Variants in ZNF236 observed in about 807,000 individuals in gnomAD.
ZNF236 encodes the protein regulated by glucose.
A neutral mutation model predicts 191.2 loss-of-function variants in ZNF236; 50 were observed. That is an observed-to-expected ratio of 0.26 (90% confidence interval 0.21 to 0.33). The LOEUF (loss-of-function observed/expected upper bound fraction) is 0.33. Ranked by LOEUF, ZNF236 falls within the 10% of genes least tolerant of loss-of-function variation. The pLI, the probability that ZNF236 is intolerant of heterozygous loss-of-function variation, is 1.00. For synonymous variants in ZNF236, 907 were observed against 928.8 expected, an observed-to-expected ratio of 0.98 and a Z score of 0.43; for missense variants, 1,754 against 2,374.5, an observed-to-expected ratio of 0.74 and a Z score of 5.43.
intron 6 of ZNF236, among the ~76,000 whole-genome samples, chr18:76,876,481 A>G (rs1976719011): frequency 6.6e-6 from 1 of 152,218 alleles, no homozygotes. Flanking sequence ...CAAATTTAAT[A>G]AAAACAAGTA....
intron 1 of ZNF236, among the ~76,000 whole-genome samples, chr18:76,848,636 C>T (rs1272702027): frequency 6.6e-6 from 1 of 152,134 alleles, no homozygotes; most frequent in African/African-American, 2.4e-5. Flanking sequence ...TCTTCCTGAA[C>T]CTCCTAAGCC....
At chr18:76,876,023 A>C (rs1976701347) in intron 6 of ZNF236, among the ~76,000 whole-genome samples, 1 of 152,236 alleles carries the variant, frequency 6.6e-6, no homozygotes, top group African/African-American at 2.4e-5. Flanking sequence ...ATAAGAAATA[A>C]AATTGGGAAA....
chr18:76,965,778 G>A (rs1568251347), intron 30 of ZNF236, among the ~76,000 whole-genome samples: 1 of 152,210 alleles, frequency 6.6e-6, no homozygotes, highest in Non-Finnish European at 1.5e-5. Context: ...TGCCTGTTCC[G>A]GTGGAGATGG....
intron 4 of ZNF236, among the ~76,000 whole-genome samples, chr18:76,869,580 C>G (rs1976523063): frequency 6.6e-6 from 1 of 152,186 alleles, no homozygotes; most frequent in African/African-American, 2.4e-5. Context: ...ATAAAATATT[C>G]TTCCTGGCCC....
chr18:76,913,299 T>C (rs1967266698), intron 17 of ZNF236, among the ~76,000 whole-genome samples: 1 of 152,216 alleles, frequency 6.6e-6, no homozygotes, highest in South Asian at 2.1e-4. Flanking sequence ...TTGTATTTTG[T>C]AAACCAAAGG....
intron 1 of ZNF236, among the ~76,000 whole-genome samples, chr18:76,835,752 T>G (rs1975305784): frequency 6.6e-6 from 1 of 152,226 alleles, no homozygotes; most frequent in Non-Finnish European, 1.5e-5. Context: ...TGTCTTTAAT[T>G]GATATGCTGA....
At chr18:76,889,868 T>G (rs1477518044) in intron 9 of ZNF236, among the ~76,000 whole-genome samples, 1 of 152,206 alleles carries the variant, frequency 6.6e-6, no homozygotes, top group Non-Finnish European at 1.5e-5. Context: ...GTGTGATTGT[T>G]TTCTAGGAGG....
In ZNF236 at chr18:76,959,805, G is replaced by T. The variant is rs777005598; in HGVS notation, c.5231G>T (p.Arg1744Leu). 7 of 1,613,744 alleles carry T rather than the reference G, an allele frequency of 4.3e-6. No individual in the cohort carries two copies. Among genetic ancestry groups the T allele is most frequent in the East Asian group, 2.2e-5 (1 of 44,892 alleles). ...CCAAGCCAGCTGGAGCGCCACAGCCGCATACATACAGGTAACGGGGAAGGA... is the reference window on the plus strand; with the variant it reads ...CCAAGCCAGCTGGAGCGCCACAGCCTCATACATACAGGTAACGGGGAAGGA... ...AKPSQLERHS[R>L]IHTGERPFHC... The change falls in exon 29 of 31, where the codon CGC becomes CTC. Residue 1744 changes from arginine (R) to leucine (L), a missense_variant. Physicochemically the swap from Arg to Leu is moderately radical, Grantham distance 102. Transcript: ENST00000320610.
At chr18:76,948,995 C>G (rs1016374290) in intron 27 of ZNF236, among the ~76,000 whole-genome samples, 2 of 152,200 alleles carry the variant, frequency 1.3e-5, no homozygotes, top group East Asian at 3.8e-4. Flanking sequence ...TGCTCGGGAG[C>G]TGATCAGGGG....
chr18:76,856,343 T>C (rs1222318598), intron 3 of ZNF236, among the ~76,000 whole-genome samples: 1 of 152,160 alleles, frequency 6.6e-6, no homozygotes, highest in African/African-American at 2.4e-5. Context: ...CCACCACGCC[T>C]GGCTCATTTT....
At chr18:76,852,707 A>T (rs1051503650) in intron 3 of ZNF236, among the ~76,000 whole-genome samples, 18 of 152,150 alleles carry the variant, frequency 1.2e-4, no homozygotes, top group Admixed American at 3.3e-4. Context: ...AAAATTAGGA[A>T]GATACAAAAA....
chr18:76,851,364 C>G (rs1220048189), intron 2 of ZNF236, among the ~76,000 whole-genome samples: 1 of 148,586 alleles, frequency 6.7e-6, no homozygotes, highest in African/African-American at 2.5e-5. Flanking sequence ...CTCCCAGGTT[C>G]AAGTGATTCT....
intron 3 of ZNF236, among the ~76,000 whole-genome samples, chr18:76,853,002 C>T (rs1037458650): frequency 6.6e-6 from 1 of 152,114 alleles, no homozygotes; most frequent in Non-Finnish European, 1.5e-5. Flanking sequence ...ATGGGTTTAT[C>T]AGGATGTAAT....
intron 25 of ZNF236, among the ~76,000 whole-genome samples, chr18:76,932,662 C>T (rs377632253): frequency 1.3e-5 from 2 of 152,190 alleles, no homozygotes; most frequent in African/African-American, 4.8e-5. Context: ...AACTGGCCGT[C>T]AGCAGTGCAG....
Position 76,960,906 on chromosome 18 carries a change from C to G in ZNF236, c.5419+51C>G, listed in dbSNP as rs761051050. ...GTGCTGTTCGGTGGCCTGCGAGGCA[C>G]CCTGTGTTTCGCATACATTGTTTCC... On this transcript the variant is annotated intron_variant, in intron 30 of 30. Coordinates refer to ENST00000320610, the MANE Select transcript of ZNF236 (RefSeq NM_001306089.2). This position sits in a 1 kb window ranked among gnomAD's most constrained non-coding sequence, Gnocchi z 4.4. The G allele has an allele frequency of 6.5e-7, 1 of 1,539,488 alleles. No individual in the cohort carries two copies. The highest frequency in any genetic ancestry group is 2.3e-5 in the East Asian group (1 of 43,070).
intron 22 of ZNF236, among the ~76,000 whole-genome samples, chr18:76,926,075 A>C (rs567504605): frequency 1.3e-5 from 2 of 152,144 alleles, no homozygotes; most frequent in Non-Finnish European, 2.9e-5. Flanking sequence ...CAGCCTGACC[A>C]CCACTCAGTA....
At chr18:76,913,554 A>G (rs541023305) in intron 17 of ZNF236, among the ~76,000 whole-genome samples, 193 bp from the exon 18 acceptor site, 1 of 152,358 alleles carries the variant, frequency 6.6e-6, no homozygotes, top group South Asian at 2.1e-4. Flanking sequence ...GGTCTAACAA[A>G]TGATTGTTGG....
At chr18:76,846,754 T>C in intron 1 of ZNF236, among the ~76,000 whole-genome samples, 1 of 152,176 alleles carries the variant, frequency 6.6e-6, no homozygotes, top group East Asian at 1.9e-4. Context: ...AGATAACTCT[T>C]TTTCTGGAAA....
chr18:76,832,618 T>A (rs561636783), intron 1 of ZNF236, among the ~76,000 whole-genome samples: 142 of 152,212 alleles, frequency 9.3e-4, no homozygotes, highest in South Asian at 2.9e-3. Context: ...TCACACTGTC[T>A]TAATTATGCT....
Sources: allele counts gnomAD v4.1 joint callset (sites outside exome capture counted in the v4.1 genomes callset), GRCh38; gene constraint gnomAD v4.1.1; non-coding constraint Gnocchi (gnomAD v3.1); transcripts MANE v1.5; gene names NCBI Gene and HGNC (gene_info 2026-07-23, HGNC 2026-07-21).